The following ANO2 variants were observed in gnomAD, a reference collection of about 807,000 sequenced individuals.
The protein encoded by ANO2 is anoctamin 2.
In ANO2, 101 loss-of-function variants were observed where a neutral mutation model predicts 124.2. The observed-to-expected ratio is 0.81, with a 90% CI of 0.69 to 0.96. The LOEUF (loss-of-function observed/expected upper bound fraction) is 0.96, where lower values mean the gene tolerates loss of function less well. ANO2 is among the 40% of genes least tolerant of loss of function. The pLI is 0.00. For synonymous variants in ANO2, 486 were observed against 482.5 expected (o/e 1.01, Z -0.09); for missense variants, 1,293 against 1,274.5 (o/e 1.01, Z -0.22).
rs1310770777 is a variant in ANO2 at position 5,577,973 on chromosome 12, C to T, written c.2421G>A (p.Lys807=). 10 of 1,613,870 alleles carry T rather than the reference C, an allele frequency of 6.2e-6. No homozygotes were observed. Among genetic ancestry groups the T allele is most frequent in the Non-Finnish European group, 8.5e-6 (10 of 1,179,800 alleles). ...IWFDILSGIG[K]FSVISNAFVI... ...TACTTACGTTGCTGATAACAGAGAA[C>T]TTGCCAATTCCAGAGAGAATGTCAA... is the stretch of plus-strand genomic sequence containing the variant. The change falls in exon 22 of 25, where the codon AAG becomes AAA. Residue 807 remains lysine (K), a synonymous_variant. Transcript: ENST00000682330.
chr12:5,914,057 G>A (rs979916587), intron 3 of ANO2, among the ~76,000 whole-genome samples: 4 of 152,026 alleles, frequency 2.6e-5, no homozygotes, highest in Admixed American at 6.5e-5. Context: ...AAAATTAGCT[G>A]GGCATGGTGT....
In ANO2 at chr12:5,666,118, G is replaced by A. The variant is rs1947702614; in HGVS notation, c.1546-18317C>T. 1.3e-5 allele frequency among the ~76,000 whole-genome samples: 2 copies of A among 152,148 alleles called. 1 individual carries two copies. Among genetic ancestry groups the A allele is most frequent in the South Asian group, 4.1e-4 (2 of 4,822 alleles). On this transcript the variant is annotated intron_variant, in intron 14 of 24. Coordinates refer to ENST00000682330, the MANE Select transcript of ANO2 (RefSeq NM_001364791.2). ...TGGACATGCCAGGTCAGAATTTGTG[G>A]ATGATGTGTTAGGTTTTGATTGTCT...
chr12:5,658,039 A>G lies in ANO2; in HGVS notation c.1546-10238T>C, dbSNP rs530621798. 6.6e-6 allele frequency among the ~76,000 whole-genome samples: 1 copy of G among 152,192 alleles called. No homozygotes were observed. The highest frequency in any genetic ancestry group is 6.5e-5 in the Admixed American group (1 of 15,292). On this transcript the variant is annotated intron_variant, in intron 14 of 24. Transcript: ENST00000682330. This position sits in a 1 kb window ranked among gnomAD's most constrained non-coding sequence, Gnocchi z 4.3. ...CATAAAGTTACATTTGAGAAAAAAT[A>G]TTATTTGCTCATTTGTCTTTCTCTC...
chr12:5,721,672 T>C (rs992227974), intron 14 of ANO2, among the ~76,000 whole-genome samples: 14 of 152,134 alleles, frequency 9.2e-5, no homozygotes, highest in Admixed American at 6.5e-4. Flanking sequence ...TGCATAGCTA[T>C]ATTTTTTAAT....
chr12:5,929,263 T>C (rs1565789735), intron 1 of ANO2, among the ~76,000 whole-genome samples: 1 of 138,108 alleles, frequency 7.2e-6, no homozygotes, highest in Admixed American at 7.0e-5. Flanking sequence ...TTCTATCTTC[T>C]TTCCTTACTC....
chr12:5,719,133 G>A (rs1372316819), intron 14 of ANO2, among the ~76,000 whole-genome samples: 1 of 152,202 alleles, frequency 6.6e-6, no homozygotes, highest in African/African-American at 2.4e-5. Flanking sequence ...GATACCGTTA[G>A]TGTCTGCTCC....
intron 16 of ANO2, among the ~76,000 whole-genome samples, chr12:5,621,569 C>G (rs1359275334): frequency 1.3e-5 from 2 of 152,070 alleles, no homozygotes; most frequent in Non-Finnish European, 2.9e-5. Flanking sequence ...CTGACAGGTG[C>G]GGGGAGGGCC....
At chr12:5,628,944 G>T (rs1157766892) in intron 16 of ANO2, among the ~76,000 whole-genome samples, 1 of 152,156 alleles carries the variant, frequency 6.6e-6, no homozygotes, top group Non-Finnish European at 1.5e-5. Flanking sequence ...GCCCTCAATG[G>T]AACTCACGGC....
chr12:5,940,138 T>C (rs1942837326), intron 1 of ANO2, among the ~76,000 whole-genome samples: 1 of 152,116 alleles, frequency 6.6e-6, no homozygotes, highest in South Asian at 2.1e-4. Flanking sequence ...GGCCAACAGA[T>C]TCTGTTGCTT....
rs1218810242 is a variant in ANO2, at chr12:5,864,120, C to T, written c.535-9979G>A. Among the ~76,000 whole-genome samples the T allele has an allele frequency of 2.6e-5, 4 of 152,118 alleles. No homozygotes were observed. The East Asian group carries it at 7.7e-4, about 29-fold the overall frequency. On this transcript the variant is annotated intron_variant, in intron 3 of 24. Coordinates refer to ENST00000682330, the MANE Select transcript of ANO2 (RefSeq NM_001364791.2). ...TCCTTGACCCCTGTGGGAATCCCAC[C>T]ATGTTTCTTGGATCCCACATAAAAA...
chr12:5,941,548 T>C (rs376103775), intron 1 of ANO2, among the ~76,000 whole-genome samples: 2 of 151,406 alleles, frequency 1.3e-5, no homozygotes, highest in East Asian at 1.9e-4. Flanking sequence ...TCAAAAATAG[T>C]TGAAGAAGAA....
intron 3 of ANO2, among the ~76,000 whole-genome samples, chr12:5,880,296 G>C (rs1250729865): frequency 1.3e-5 from 2 of 152,248 alleles, no homozygotes; most frequent in Middle Eastern, 3.4e-3. Context: ...ATAAGAGCCT[G>C]GGGAACGCAG....
chr12:5,764,219 C>T (rs963635766), intron 10 of ANO2, among the ~76,000 whole-genome samples: 13 of 152,322 alleles, frequency 8.5e-5, no homozygotes, highest in African/African-American at 3.1e-4. Flanking sequence ...CTGGTCAAAT[C>T]GACTTGTCCA....
At chr12:5,569,285 C>G (rs1415560676) in intron 23 of ANO2, among the ~76,000 whole-genome samples, 9 of 152,186 alleles carry the variant, frequency 5.9e-5, no homozygotes, top group Non-Finnish European at 1.3e-4. Context: ...GCTCGGGCCT[C>G]CCAAAGTCCC....
chr12:5,621,691 T>C (rs896201093), intron 16 of ANO2, among the ~76,000 whole-genome samples: 2 of 151,996 alleles, frequency 1.3e-5, no homozygotes, highest in Non-Finnish European at 1.5e-5. Context: ...GATTCACTCT[T>C]GGGGGACTGC....
chr12:5,779,660 C>G (rs547816930), intron 10 of ANO2, among the ~76,000 whole-genome samples: 2 of 152,142 alleles, frequency 1.3e-5, no homozygotes, highest in East Asian at 3.9e-4. Flanking sequence ...CAGACCAGAG[C>G]TAACATCACC....
At chr12:5,789,538 C>T (rs561584747) in intron 10 of ANO2, among the ~76,000 whole-genome samples, 11 of 152,302 alleles carry the variant, frequency 7.2e-5, no homozygotes, top group African/African-American at 2.2e-4. Flanking sequence ...GCTGAGCTCC[C>T]CAGTCTCTTC....
chr12:5,830,969 G>A (rs1954130664), intron 5 of ANO2, among the ~76,000 whole-genome samples: 1 of 152,156 alleles, frequency 6.6e-6, no homozygotes, highest in South Asian at 2.1e-4. Context: ...TCATTTCAGG[G>A]TGTTGGATTA....
intron 7 of ANO2, among the ~76,000 whole-genome samples, chr12:5,817,077 C>T (rs562020815): frequency 2.6e-5 from 4 of 152,342 alleles, no homozygotes; most frequent in African/African-American, 9.6e-5. Flanking sequence ...GATTCTCACA[C>T]ACACAATAAA....
Sources: allele counts gnomAD v4.1 joint callset (sites outside exome capture counted in the v4.1 genomes callset), GRCh38; gene constraint gnomAD v4.1.1; non-coding constraint Gnocchi (gnomAD v3.1); transcripts MANE v1.5; gene names NCBI Gene and HGNC (gene_info 2026-07-23, HGNC 2026-07-21).